The following FAM168A variants were observed in gnomAD, a reference collection of about 807,000 sequenced individuals.
The protein encoded by FAM168A is protein FAM168A.
In FAM168A, 3 loss-of-function variants were observed where a neutral mutation model predicts 28.5. The ratio of observed to expected loss-of-function variants is 0.11; its 90% CI spans 0.05 to 0.27. The LOEUF is 0.27. FAM168A is among the 10% of genes least tolerant of loss of function. The pLI is 1.00. For missense variants in FAM168A, 222 were observed against 311.5 expected (o/e 0.71, Z 2.16); for synonymous variants, 122 against 124.2 (o/e 0.98, Z 0.12).
At chr11:73,484,507 G>GAGAGAGATAT (rs1243168733) in intron 1 of FAM168A, among the ~76,000 whole-genome samples, 1 of 77,774 alleles carries the variant, frequency 1.3e-5, no homozygotes, top group Admixed American at 1.0e-4. Flanking sequence ...AGGAGAGAGA[G>GAGAGAGATAT]ATATATATAG....
At chr11:73,497,722 G>C (rs1452182383) in intron 1 of FAM168A, among the ~76,000 whole-genome samples, 2 of 152,000 alleles carry the variant, frequency 1.3e-5, no homozygotes, top group African/African-American at 4.8e-5. Flanking sequence ...TGGACACAGA[G>C]CAGGGAACAT....
intron 1 of FAM168A, among the ~76,000 whole-genome samples, chr11:73,482,181 CTT>C (rs55882143): frequency 0.061 from 4,701 of 77,474 alleles, 388 homozygotes; most frequent in African/African-American, 0.21. Context: ...ATCCAACAGC[CTT>C]TTTTTTTTTT....
At chr11:73,418,601 CTAGTCTACTTACT>C (rs1866735303) in intron 4 of FAM168A, among the ~76,000 whole-genome samples, 1 of 152,232 alleles carries the variant, frequency 6.6e-6, no homozygotes, top group African/African-American at 2.4e-5. Context: ...ATGAATTCTT[CTAGTCTACTTACT>C]TAGTAGATTA....
chr11:73,460,693 G>A (rs974879253), intron 2 of FAM168A, among the ~76,000 whole-genome samples: 21 of 151,792 alleles, frequency 1.4e-4, no homozygotes, highest in East Asian at 3.9e-4. Context: ...TAGTAGAGAC[G>A]GGGTTTCACC....
intron 2 of FAM168A, among the ~76,000 whole-genome samples, chr11:73,438,956 C>G (rs1867143612): frequency 6.6e-6 from 1 of 151,100 alleles, no homozygotes; most frequent in African/African-American, 2.4e-5. Flanking sequence ...CCCGCCTCAC[C>G]CCCCCTTCTT....
chr11:73,514,508 CT>C (rs1012090666), intron 1 of FAM168A, among the ~76,000 whole-genome samples: 6 of 152,282 alleles, frequency 3.9e-5, no homozygotes, highest in African/African-American at 1.4e-4. Context: ...TCCCAGACTT[CT>C]GTCTGTACAA....
At chr11:73,465,591 T>C (rs1047442651) in intron 2 of FAM168A, among the ~76,000 whole-genome samples, 1 of 76,608 alleles carries the variant, frequency 1.3e-5, no homozygotes, top group Admixed American at 1.1e-4. Flanking sequence ...TCATGCTGTG[T>C]TGTTACACAG....
At chr11:73,442,955 GATATAT>G (rs58430278) in intron 2 of FAM168A, among the ~76,000 whole-genome samples, 1,069 of 40,198 alleles carry the variant, frequency 0.027, 33 homozygotes, top group South Asian at 0.049. Flanking sequence ...ATATACAAAG[GATATAT>G]ATATATATAT....
intron 1 of FAM168A, among the ~76,000 whole-genome samples, chr11:73,523,788 C>A (rs139066337): frequency 6.6e-6 from 1 of 152,070 alleles, no homozygotes; most frequent in African/African-American, 2.4e-5. Flanking sequence ...ATCAAACTAC[C>A]AAGTTTCCTG....
intron 2 of FAM168A, among the ~76,000 whole-genome samples, chr11:73,451,720 T>C (rs1867433990): frequency 1.3e-5 from 2 of 152,256 alleles, no homozygotes; most frequent in Non-Finnish European, 2.9e-5. Context: ...CTATACCACA[T>C]AGCCAAGGTG....
rs552243119 is a variant in FAM168A, at chr11:73,455,100, C to T, written c.70+13305G>A. On this transcript the variant is annotated intron_variant, in intron 2 of 7. Transcript: ENST00000356467. ...GCAGAGCTAAAAGAGCACTGTAACA[C>T]GCCCTCTGGGGCTTCAGTAGTCACA... 9.2e-5 allele frequency among the ~76,000 whole-genome samples: 14 copies of T among 152,332 alleles called. No homozygotes were observed. The East Asian group carries it at 9.6e-4, about 10-fold the overall frequency.
At chr11:73,522,668 A>C (rs1178330348) in intron 1 of FAM168A, among the ~76,000 whole-genome samples, 1 of 149,808 alleles carries the variant, frequency 6.7e-6, no homozygotes, top group East Asian at 2.1e-4. Context: ...TTTACTGGCT[A>C]TGTCAGATAC....
At chr11:73,589,277 A>G (rs1944352933) in intron 1 of FAM168A, among the ~76,000 whole-genome samples, 1 of 152,162 alleles carries the variant, frequency 6.6e-6, no homozygotes, top group Admixed American at 6.5e-5. Flanking sequence ...AAAATAATAA[A>G]GAAAAAAACA....
At chr11:73,482,493 T>C (rs1867981127) in intron 1 of FAM168A, among the ~76,000 whole-genome samples, 1 of 152,030 alleles carries the variant, frequency 6.6e-6, no homozygotes, top group South Asian at 2.1e-4. Context: ...GATCTATCTG[T>C]CATGAGACAT....
chr11:73,482,867 T>C (rs954228848), intron 1 of FAM168A, among the ~76,000 whole-genome samples: 1 of 152,116 alleles, frequency 6.6e-6, no homozygotes, highest in Admixed American at 6.5e-5. Flanking sequence ...GCCTCCCAAG[T>C]AGCTGGGATT....
At chr11:73,439,848 T>G (rs1445281408) in intron 2 of FAM168A, among the ~76,000 whole-genome samples, 1 of 151,290 alleles carries the variant, frequency 6.6e-6, no homozygotes, top group Non-Finnish European at 1.5e-5. Flanking sequence ...ATCGATAATT[T>G]GGTCCATGAA....
chr11:73,458,602 G>C (rs1263797200), intron 2 of FAM168A, among the ~76,000 whole-genome samples: 2 of 151,410 alleles, frequency 1.3e-5, no homozygotes, highest in East Asian at 3.8e-4. Flanking sequence ...TGTTCTAATA[G>C]AAATTTCTTT....
At chr11:73,567,042 G>C (rs1240069336) in intron 1 of FAM168A, among the ~76,000 whole-genome samples, 1 of 152,194 alleles carries the variant, frequency 6.6e-6, no homozygotes. Flanking sequence ...CAAGTGGTTT[G>C]GCAGGGTTGG....
At chr11:73,442,575 C>T (rs559025440) in intron 2 of FAM168A, among the ~76,000 whole-genome samples, 22 of 152,140 alleles carry the variant, frequency 1.4e-4, no homozygotes, top group Middle Eastern at 3.4e-3. Context: ...TTAATTTTCA[C>T]GTAACTGTGA....
Sources: allele counts gnomAD v4.1 joint callset (sites outside exome capture counted in the v4.1 genomes callset), GRCh38; gene constraint gnomAD v4.1.1; transcripts MANE v1.5; gene names NCBI Gene and HGNC (gene_info 2026-07-23, HGNC 2026-07-21).